The following LANCL2 variants were observed in gnomAD, a reference collection of about 807,000 sequenced individuals.
The protein encoded by LANCL2 is lanC-like protein 2.
Under a neutral mutation model 56.9 loss-of-function variants are expected in LANCL2, and 33 were observed. The observed-to-expected ratio is 0.58, with a 90% CI of 0.44 to 0.78. The LOEUF (loss-of-function observed/expected upper bound fraction) is 0.78, where lower values mean the gene tolerates loss of function less well. LANCL2 is among the 30% of genes least tolerant of loss of function. LANCL2 has a pLI of 0.00. For missense variants in LANCL2, 562 were observed against 580.2 expected (o/e 0.97, Z 0.32); for synonymous variants, 233 against 228.2 (o/e 1.02, Z -0.19).
rs1476330530 is a variant in LANCL2 at position 55,432,387 on chromosome 7, CAT to C, written c.*1069_*1070del. On this transcript the variant is annotated 3_prime_UTR_variant, in exon 9 of 9. Coordinates refer to ENST00000254770, the MANE Select transcript of LANCL2 (RefSeq NM_018697.4). ...AGCCCTTATTTATAGATATGAGAAACATAATGTTCTAACCAACAACATTATGG... is the reference window on the plus strand; with the variant it reads ...AGCCCTTATTTATAGATATGAGAAACAATGTTCTAACCAACAACATTATGG... 1.3e-5 allele frequency: 2 copies of C among 152,304 alleles called. No individual in the cohort carries two copies. The highest frequency in any genetic ancestry group is 2.1e-4 in the South Asian group (1 of 4,830). 9.4% of individuals were successfully genotyped at this position (152,304 alleles called of 1,614,324 possible).
chr7:55,400,267 CA>C (rs1304030636), intron 4 of LANCL2, among the ~76,000 whole-genome samples, 163 bp downstream of exon 4: 2 of 152,070 alleles, frequency 1.3e-5, no homozygotes, highest in East Asian at 1.9e-4. Flanking sequence ...GGAACATTAA[CA>C]AAAAAAATCT....
chr7:55,425,609 T>C (rs571300456), intron 7 of LANCL2, among the ~76,000 whole-genome samples, 179 bp downstream of exon 7: 5 of 152,292 alleles, frequency 3.3e-5, no homozygotes, highest in Admixed American at 6.5e-5. Flanking sequence ...TCCCTGTCTG[T>C]AGAATGGAGA....
chr7:55,431,102 T>C (rs1790722158), intron 8 of LANCL2, 124 bp from the exon 9 acceptor site: 10 of 547,194 alleles, frequency 1.8e-5, no homozygotes, highest in Non-Finnish European at 2.7e-5. Context: ...AATGAAGTCA[T>C]CTTTAGAGTC....
chr7:55,390,626 C>A (rs1790176539), intron 1 of LANCL2, among the ~76,000 whole-genome samples: 1 of 151,922 alleles, frequency 6.6e-6, no homozygotes, highest in Non-Finnish European at 1.5e-5. Flanking sequence ...ACTAAAAATA[C>A]AAAAATTAGC....
chr7:55,374,253 A>C (rs1254339396), intron 1 of LANCL2, among the ~76,000 whole-genome samples: 1 of 152,222 alleles, frequency 6.6e-6, no homozygotes, highest in Non-Finnish European at 1.5e-5. Flanking sequence ...TACATAGCAG[A>C]TGAATTTTTA....
chr7:55,373,084 C>T (rs1234312835), intron 1 of LANCL2, among the ~76,000 whole-genome samples: 1 of 152,172 alleles, frequency 6.6e-6, no homozygotes, highest in Non-Finnish European at 1.5e-5. Context: ...TGTCATCTAT[C>T]ATAGCCTGGG....
At chr7:55,430,816 C>G (rs1216623161) in intron 8 of LANCL2, among the ~76,000 whole-genome samples, 1 of 152,110 alleles carries the variant, frequency 6.6e-6, no homozygotes, top group Non-Finnish European at 1.5e-5. Context: ...GGATTTTGAC[C>G]AAATTGAGGT....
At position 55,374,304 on chromosome 7, in the gene LANCL2, A is replaced by T. The variant is rs139383166; in HGVS notation, c.204+8075A>T. ...TTGGATTGAGGTGTGTGTGCTTAGG[A>T]TATGTAATCTAGAATATTTTCTGTT... On this transcript the variant is annotated intron_variant, in intron 1 of 8. Coordinates refer to ENST00000254770, the MANE Select transcript of LANCL2 (RefSeq NM_018697.4). Among the ~76,000 whole-genome samples, 836 of 152,338 alleles carry T rather than the reference A, an allele frequency of 5.5e-3. 5 individuals carry two copies. Among genetic ancestry groups the T allele is most frequent in the African/African-American group, 0.018 (729 of 41,580 alleles).
intron 6 of LANCL2, among the ~76,000 whole-genome samples, chr7:55,423,303 A>G (rs767725047): frequency 7.9e-5 from 12 of 152,206 alleles, no homozygotes; most frequent in Non-Finnish European, 1.3e-4. Flanking sequence ...GCATGGCTCT[A>G]GCAGCCTCAG....
rs771515931 is a variant in LANCL2, at chr7:55,425,404, A to G, written c.1159A>G (p.Lys387Glu). 6.2e-7 allele frequency: 1 copy of G among 1,614,082 alleles called. No homozygotes were observed. Among genetic ancestry groups the G allele is most frequent in the Non-Finnish European group, 8.5e-7 (1 of 1,179,968 alleles). The change falls in exon 7 of 9, where the codon AAG (lysine) becomes GAG (glutamate). Residue 387 changes from lysine to glutamate, a missense_variant. Physicochemically the swap from Lys to Glu is moderately conservative, Grantham distance 56. Transcript: ENST00000254770. Reference protein sequence around the residue: ...FLSLYRLTQDKKYLYRACKFA... With the variant: ...FLSLYRLTQDEKYLYRACKFA... ...GTCCCTTTACCGTCTCACGCAGGAT[A>G]AGAAGTACCTCTACCGAGCTTGCAA...
chr7:55,393,383 T>A (rs1790213908), intron 2 of LANCL2, among the ~76,000 whole-genome samples: 1 of 152,012 alleles, frequency 6.6e-6, no homozygotes, highest in African/African-American at 2.4e-5. Flanking sequence ...AATACGAAAA[T>A]TAGCTGGGCA....
intron 1 of LANCL2, among the ~76,000 whole-genome samples, chr7:55,370,068 A>G (rs771806081): frequency 1.9e-4 from 29 of 152,178 alleles, no homozygotes; most frequent in Non-Finnish European, 3.1e-4. Flanking sequence ...GAGAAGCTGC[A>G]CTCAAGCTCT....
At chr7:55,400,833 C>G (rs2128993714) in intron 4 of LANCL2, among the ~76,000 whole-genome samples, 1 of 152,278 alleles carries the variant, frequency 6.6e-6, no homozygotes, top group South Asian at 2.1e-4. Context: ...ATGTGCTGCT[C>G]TTTTGGGAAA....
At chr7:55,414,157 A>G (rs935383265) in intron 6 of LANCL2, among the ~76,000 whole-genome samples, 9 of 152,234 alleles carry the variant, frequency 5.9e-5, no homozygotes, top group Middle Eastern at 3.2e-3. Context: ...TATAAACTAC[A>G]GAAAATAAGT....
intron 2 of LANCL2, among the ~76,000 whole-genome samples, chr7:55,397,474 A>C (rs55925648): frequency 6.8e-6 from 1 of 148,000 alleles, no homozygotes; most frequent in South Asian, 2.1e-4. Context: ...AAAAAAAAAA[A>C]AAAAAAGCAA....
intron 1 of LANCL2, among the ~76,000 whole-genome samples, chr7:55,383,937 G>A (rs971718520): frequency 2.6e-5 from 4 of 152,204 alleles, no homozygotes; most frequent in African/African-American, 9.7e-5. Context: ...AAGCAAGATA[G>A]AGTCCCTTAG....
chr7:55,415,250 A>G (rs919966403), intron 6 of LANCL2, among the ~76,000 whole-genome samples: 1 of 152,218 alleles, frequency 6.6e-6, no homozygotes, highest in Non-Finnish European at 1.5e-5. Flanking sequence ...CAAAAAAAGC[A>G]TATAATACCC....
intron 1 of LANCL2, among the ~76,000 whole-genome samples, chr7:55,387,640 A>G (rs1008449327): frequency 4.6e-5 from 7 of 151,958 alleles, no homozygotes; most frequent in African/African-American, 1.7e-4. Flanking sequence ...GTTTTAACAT[A>G]GAGGATTAAT....
At chr7:55,393,008 A>G (rs1177593702) in intron 2 of LANCL2, among the ~76,000 whole-genome samples, 1 of 152,230 alleles carries the variant, frequency 6.6e-6, no homozygotes, top group Non-Finnish European at 1.5e-5. Flanking sequence ...ATAACAACCA[A>G]TAATACACTT....
Sources: allele counts gnomAD v4.1 joint callset (sites outside exome capture counted in the v4.1 genomes callset), GRCh38; gene constraint gnomAD v4.1.1; transcripts MANE v1.5; gene names NCBI Gene and HGNC (gene_info 2026-07-23, HGNC 2026-07-21).